The following JAKMIP3 variants were observed in gnomAD, a reference collection of about 807,000 sequenced individuals.
JAKMIP3 encodes janus kinase and microtubule-interacting protein 3.
In JAKMIP3, 58 loss-of-function variants were observed where a neutral mutation model predicts 118.5. That is an observed-to-expected ratio of 0.49 (90% CI 0.40 to 0.61). The LOEUF (loss-of-function observed/expected upper bound fraction) is 0.61. Ranked by LOEUF, JAKMIP3 falls within the 20% of genes least tolerant of loss-of-function variation. The pLI, the probability that JAKMIP3 is intolerant of heterozygous loss-of-function variation, is 0.00. For missense variants in JAKMIP3, 950 were observed against 1,109.0 expected, an observed-to-expected ratio of 0.86 and a Z score of 2.04; for synonymous variants, 486 against 451.2, an observed-to-expected ratio of 1.08 and a Z score of -0.98.
At chr10:132,153,048 G>A (rs56317371) in intron 17 of JAKMIP3, 25 bp downstream of exon 17, 204,816 of 1,585,122 alleles carry the variant, frequency 0.13, 14,462 homozygotes, top group Middle Eastern at 0.19. Flanking sequence ...GTGGACAGTC[G>A]GGAGAGGGCC....
chr10:132,104,190 C>A (rs560140834), intron 1 of JAKMIP3, among the ~76,000 whole-genome samples: 2 of 152,056 alleles, frequency 1.3e-5, no homozygotes, highest in Non-Finnish European at 2.9e-5. Flanking sequence ...GCTGGGCGTG[C>A]GCTTCTGTTC....
intron 23 of JAKMIP3, among the ~76,000 whole-genome samples, chr10:132,170,990 A>T (rs771542884): frequency 6.6e-6 from 1 of 152,176 alleles, no homozygotes; most frequent in Non-Finnish European, 1.5e-5. Context: ...GAGGGCTGTC[A>T]CCCAACCCTG....
Position 132,180,618 on chromosome 10 carries a change from T to TGTGC in JAKMIP3, c.*1104-1736_*1104-1735insCGTG, listed in dbSNP as rs2060882535. ...GTGTGCGTGCGCGTGTGTGTGTGCGTGTGTGTGCGTGTGTGCGTGCGTGTG... is the reference window on the plus strand; with the variant it reads ...GTGTGCGTGCGCGTGTGTGTGTGCGTGTGCGTGTGTGCGTGTGTGCGTGCGTGTG... On this transcript the variant is annotated intron_variant, in intron 23 of 23. Coordinates refer to ENST00000684848, the MANE Select transcript of JAKMIP3 (RefSeq NM_001323087.2). Among the ~76,000 whole-genome samples the TGTGC allele has an allele frequency of 1.7e-4, 4 of 24,210 alleles. 1 individual carries two copies. The highest frequency in any genetic ancestry group is 8.2e-4 in the African/African-American group (4 of 4,872). The allele number at this position is 24,210 out of a possible 152,430, so 15.9% of individuals were successfully genotyped here.
chr10:132,058,646 A>T (rs1359012786), intron 1 of JAKMIP3, among the ~76,000 whole-genome samples: 1 of 152,174 alleles, frequency 6.6e-6, no homozygotes, highest in East Asian at 1.9e-4. Context: ...CATTCTGGTT[A>T]CACGTGTGTG....
intron 1 of JAKMIP3, among the ~76,000 whole-genome samples, chr10:132,080,889 C>G (rs1020527031): frequency 9.2e-5 from 14 of 152,152 alleles, no homozygotes; most frequent in Admixed American, 2.6e-4. Flanking sequence ...AATATTTTCT[C>G]TCATCCCACA....
intron 1 of JAKMIP3, among the ~76,000 whole-genome samples, chr10:132,057,612 C>T (rs1310054492): frequency 1.3e-5 from 2 of 152,218 alleles, no homozygotes; most frequent in African/African-American, 2.4e-5. Context: ...CGATTCCTGT[C>T]GTCACCTGAG....
Position 132,097,903 on chromosome 10 carries a change from T to TTCCCCGTTCCTTCCTTCCTTTTC in JAKMIP3, c.-137-6764_-137-6763insGTTCCTTCCTTCCTTTTCTCCCC, listed in dbSNP as rs1554928094. On this transcript the variant is annotated intron_variant, in intron 1 of 23. Coordinates refer to ENST00000684848, the MANE Select transcript of JAKMIP3 (RefSeq NM_001323087.2). ...TTATTTTCTTCCCTTCCCCTTCCCC[T>TTCCCCGTTCCTTCCTTCCTTTTC]TCCCCTTCCCCTTCCCCTTTCCTTC... is the stretch of plus-strand genomic sequence containing the variant. Among the ~76,000 whole-genome samples, 7 of 72,874 alleles carry TTCCCCGTTCCTTCCTTCCTTTTC rather than the reference T, an allele frequency of 9.6e-5. 2 individuals carry two copies. Among genetic ancestry groups the TTCCCCGTTCCTTCCTTCCTTTTC allele is most frequent in the Non-Finnish European group, 3.0e-5 (1 of 33,150 alleles). 47.8% of individuals were successfully genotyped at this position (72,874 alleles called of 152,430 possible). A position where few individuals can be genotyped will look rare whatever the true frequency, so the allele number is the denominator to read the frequency against.
chr10:132,163,368 C>G lies in JAKMIP3; in HGVS notation c.2380C>G (p.Gln794Glu). 1 of 1,608,008 alleles carries G rather than the reference C, an allele frequency of 6.2e-7. No homozygotes were observed. Among genetic ancestry groups the G allele is most frequent in the South Asian group, 1.1e-5 (1 of 90,506 alleles). ...VMSELRERDA[Q>E]ILRERMELLQ... Reference sequence around the variant, plus strand: ...GAGTGAGCTGCGCGAGCGGGACGCCCAGATCCTGCGGGAGCGCATGGAGCT... The same window carrying G: ...GAGTGAGCTGCGCGAGCGGGACGCCGAGATCCTGCGGGAGCGCATGGAGCT... Residue 794 changes from glutamine to glutamate, a missense_variant, in exon 20 of 24, where the codon CAG becomes GAG. By Grantham distance (29) the Gln-to-Glu change is conservative (BLOSUM62 2). Transcript: ENST00000684848.
At chr10:132,103,269 G>A (rs12240708) in intron 1 of JAKMIP3, among the ~76,000 whole-genome samples, 34,674 of 151,144 alleles carry the variant, frequency 0.23, 4,606 homozygotes, top group African/African-American at 0.38. Flanking sequence ...CAATGGACCT[G>A]TTAGGAGCAC....
chr10:132,048,930 G>A (rs942592191), intron 1 of JAKMIP3, among the ~76,000 whole-genome samples: 7 of 152,026 alleles, frequency 4.6e-5, no homozygotes, highest in African/African-American at 1.4e-4. Context: ...GTGAGCCACC[G>A]CGCCCGGCCT....
At chr10:132,159,282 C>CTGTGATGCTGGGGGCGCCTCTCCCTG (rs2057530221) in intron 19 of JAKMIP3, among the ~76,000 whole-genome samples, 2 of 99,236 alleles carry the variant, frequency 2.0e-5, no homozygotes, top group African/African-American at 4.0e-5. Context: ...ACCTCTTCCT[C>CTGTGATGCTGGGGGCGCCTCTCCCTG]TGTGATGCTG....
chr10:132,072,565 A>G (rs1377923379), intron 1 of JAKMIP3, among the ~76,000 whole-genome samples: 2 of 152,136 alleles, frequency 1.3e-5, no homozygotes, highest in Non-Finnish European at 2.9e-5. Flanking sequence ...CTTTAATCTG[A>G]AAATATTTGC....
intron 1 of JAKMIP3, among the ~76,000 whole-genome samples, chr10:132,090,757 T>G (rs2134406154): frequency 6.6e-6 from 1 of 152,364 alleles, no homozygotes; most frequent in African/African-American, 2.4e-5. Flanking sequence ...CTTTTGAATG[T>G]GTTTGCCCTT....
At chr10:132,093,666 C>T (rs1260282453) in intron 1 of JAKMIP3, among the ~76,000 whole-genome samples, 1 of 151,922 alleles carries the variant, frequency 6.6e-6, no homozygotes, top group African/African-American at 2.4e-5. Flanking sequence ...AAAGGGAATT[C>T]CTGACCCCTT....
chr10:132,047,584 A>G (rs1156887731), intron 1 of JAKMIP3, among the ~76,000 whole-genome samples: 1 of 152,208 alleles, frequency 6.6e-6, no homozygotes, highest in African/African-American at 2.4e-5. Context: ...CACCTGTCCT[A>G]ATCCCACAGG....
At chr10:132,120,136 T>G (rs2048312982) in intron 3 of JAKMIP3, among the ~76,000 whole-genome samples, 1 of 152,236 alleles carries the variant, frequency 6.6e-6, no homozygotes, top group Non-Finnish European at 1.5e-5. Flanking sequence ...AGAAATCTTC[T>G]CTTGCCTATT....
intron 1 of JAKMIP3, among the ~76,000 whole-genome samples, chr10:132,070,849 C>T (rs895369441): frequency 3.9e-5 from 6 of 152,206 alleles, no homozygotes; most frequent in Admixed American, 2.6e-4. Flanking sequence ...CTGACAGCCA[C>T]GCTCAGACAC....
At chr10:132,154,301 C>T (rs1048706820) in intron 19 of JAKMIP3, among the ~76,000 whole-genome samples, 4 of 152,244 alleles carry the variant, frequency 2.6e-5, no homozygotes, top group African/African-American at 9.6e-5. Context: ...GAAGGCCATC[C>T]AGGTGTTGGT....
intron 1 of JAKMIP3, among the ~76,000 whole-genome samples, chr10:132,089,845 T>C (rs1186324192): frequency 2.0e-5 from 3 of 152,198 alleles, no homozygotes; most frequent in Non-Finnish European, 2.9e-5. Context: ...GTCTGTGGGT[T>C]TGTCATAAAT....
Sources: allele counts gnomAD v4.1 joint callset (sites outside exome capture counted in the v4.1 genomes callset), GRCh38; gene constraint gnomAD v4.1.1; transcripts MANE v1.5; gene names NCBI Gene and HGNC (gene_info 2026-07-23, HGNC 2026-07-21).